CCDC138: variants seen among roughly 807,000 people sequenced by gnomAD.
CCDC138 encodes coiled-coil domain containing 138.
Under a neutral mutation model 82.3 loss-of-function variants are expected in CCDC138, and 66 were observed. The ratio of observed to expected loss-of-function variants is 0.80; its 90% CI spans 0.66 to 0.98. CCDC138 has a LOEUF of 0.98. Ranked by LOEUF, CCDC138 falls within the 50% of genes least tolerant of loss-of-function variation. The pLI, the probability that CCDC138 is intolerant of heterozygous loss-of-function variation, is 0.00. For missense variants in CCDC138, 816 were observed against 758.9 expected, an observed-to-expected ratio of 1.08 and a Z score of -0.88; for synonymous variants, 297 against 265.4, an observed-to-expected ratio of 1.12 and a Z score of -1.16.
chr2:108,853,914 GTA>G (rs1229854822), intron 12 of CCDC138, among the ~76,000 whole-genome samples: 20 of 109,624 alleles, frequency 1.8e-4, no homozygotes, highest in African/African-American at 2.6e-4. Context: ...ATATTATATA[GTA>G]TATATATTAT....
chr2:108,883,436 TC>T (rs1478079733), intron 2 of CCDC138: 3 of 152,220 alleles, frequency 2.0e-5, no homozygotes, highest in Non-Finnish European at 2.9e-5. Flanking sequence ...AGTTGTGCCA[TC>T]CCCTGACATA....
rs75055705 is a variant in CCDC138 at position 108,867,273 on chromosome 2, C to T, written c.1694-6178C>T. On this transcript the variant is annotated intron_variant, in intron 13 of 14. Coordinates refer to ENST00000295124, the MANE Select transcript of CCDC138 (RefSeq NM_144978.3). ...GTGGACACAAGAGAGAAGCTCCCCGCTGGAAGCTAGAACTCCAGAACTGAG... is the reference window on the plus strand; with the variant it reads ...GTGGACACAAGAGAGAAGCTCCCCGTTGGAAGCTAGAACTCCAGAACTGAG... 4.7e-3 allele frequency among the ~76,000 whole-genome samples: 722 copies of T among 152,228 alleles called. 7 individuals carry two copies. The highest frequency in any genetic ancestry group is 0.023 in the South Asian group (110 of 4,830).
At chr2:108,863,146 C>T (rs529583874) in intron 13 of CCDC138, among the ~76,000 whole-genome samples, 2 of 152,244 alleles carry the variant, frequency 1.3e-5, no homozygotes, top group African/African-American at 4.8e-5. Context: ...ATTTGAACAA[C>T]ATAATTTCTT....
intron 6 of CCDC138, 185 bp from the exon 7 acceptor site, chr2:108,804,704 G>C (rs995365664): frequency 1.8e-5 from 3 of 170,882 alleles, no homozygotes; most frequent in African/African-American, 7.2e-5. Context: ...ATGTTTTGTT[G>C]TTATCTTGGT....
intron 11 of CCDC138, 24 bp from the exon 12 acceptor site, chr2:108,846,714 T>C (rs1690544519): frequency 6.3e-7 from 1 of 1,574,922 alleles, no homozygotes; most frequent in African/African-American, 1.4e-5. Flanking sequence ...ATAAATATAC[T>C]AAGATTGTAC....
intron 3 of CCDC138, among the ~76,000 whole-genome samples, chr2:108,790,485 T>C (rs1469646927): frequency 6.6e-6 from 1 of 152,166 alleles, no homozygotes; most frequent in African/African-American, 2.4e-5. Flanking sequence ...GGGGCTGGTC[T>C]GAATTGAGAT....
At chr2:108,812,785 A>C (rs551964049) in intron 8 of CCDC138, 35 bp from the exon 9 acceptor site, 1 of 1,611,734 alleles carries the variant, frequency 6.2e-7, no homozygotes, top group African/African-American at 1.3e-5. Flanking sequence ...TTTAGATACA[A>C]TTGTTCTTTA....
chr2:108,851,750 G>A (rs1487912316), intron 12 of CCDC138, among the ~76,000 whole-genome samples: 1 of 152,174 alleles, frequency 6.6e-6, no homozygotes, highest in Non-Finnish European at 1.5e-5. Context: ...AGTGAAAGGA[G>A]GGCAGGAGAA....
chr2:108,807,265 G>A (rs1683027317), intron 7 of CCDC138, among the ~76,000 whole-genome samples: 1 of 152,138 alleles, frequency 6.6e-6, no homozygotes, highest in African/African-American at 2.4e-5. Flanking sequence ...AGAATTCCTA[G>A]CATAGGTCCA....
chr2:108,798,448 G>A lies in CCDC138; in HGVS notation c.597G>A (p.Gln199=). 6.2e-7 allele frequency: 1 copy of A among 1,613,198 alleles called. No homozygotes were observed. The highest frequency in any genetic ancestry group is 1.3e-5 in the African/African-American group (1 of 74,958). The change falls in exon 6 of 15, where the codon CAG becomes CAA. Residue 199 remains glutamine, a synonymous_variant. Transcript: ENST00000295124. ...LKLQCETAAQ[Q]KFAEELQKRE... ...TACAGTGTGAAACTGCAGCACAACAGAAATTTGCTGAAGAACTTCAAAAGC... is the reference window on the plus strand; with the variant it reads ...TACAGTGTGAAACTGCAGCACAACAAAAATTTGCTGAAGAACTTCAAAAGC...
chr2:108,865,456 C>G (rs561277760), intron 13 of CCDC138, among the ~76,000 whole-genome samples: 1 of 152,236 alleles, frequency 6.6e-6, no homozygotes, highest in Non-Finnish European at 1.5e-5. Flanking sequence ...CTTGTTTCTT[C>G]TTTTTCCTTG....
In CCDC138 at chr2:108,827,948, A is replaced by G. The variant is rs1036566337; in HGVS notation, c.1207-11237A>G. On this transcript the variant is annotated intron_variant, in intron 10 of 14. Coordinates refer to ENST00000295124, the MANE Select transcript of CCDC138 (RefSeq NM_144978.3). Reference sequence around the variant, plus strand: ...AACATATATTAAAACCACAGTGATTAGAACATTGTGGTAGTAGTATAGGAG... The same window carrying G: ...AACATATATTAAAACCACAGTGATTGGAACATTGTGGTAGTAGTATAGGAG... Among the ~76,000 whole-genome samples, 7 of 152,226 alleles carry G rather than the reference A, an allele frequency of 4.6e-5. No individual in the cohort carries two copies. In the East Asian group the frequency reaches 5.8e-4, roughly 13 times the overall value.
chr2:108,816,230 C>T (rs563445732), intron 10 of CCDC138, 125 bp downstream of exon 10: 2 of 659,818 alleles, frequency 3.0e-6, no homozygotes, highest in South Asian at 2.2e-5. Context: ...CTGGGCAGAT[C>T]ACCTGAGGTC....
At chr2:108,830,902 C>T (rs554466749) in intron 10 of CCDC138, among the ~76,000 whole-genome samples, 14 of 144,824 alleles carry the variant, frequency 9.7e-5, no homozygotes, top group African/African-American at 1.3e-4. Flanking sequence ...TGGCCAGGTG[C>T]GGTGGCTCAC....
chr2:108,849,548 C>G (rs1175617996), intron 12 of CCDC138, among the ~76,000 whole-genome samples: 9 of 152,158 alleles, frequency 5.9e-5, no homozygotes, highest in South Asian at 2.1e-4. Flanking sequence ...TGACACGTCT[C>G]CCTGCCTTCA....
Position 108,836,209 on chromosome 2 carries a change from T to G in CCDC138, c.1207-2976T>G, listed in dbSNP as rs186937193. On this transcript the variant is annotated intron_variant, in intron 10 of 14. Transcript: ENST00000295124. The stretch of plus-strand genomic sequence containing the variant: ...TGATGACCACCATTCAATTTTCTGC[T>G]TCAATGAATTTGACATTAGATTTCT... 5.9e-5 allele frequency among the ~76,000 whole-genome samples: 9 copies of G among 152,314 alleles called. No homozygotes were observed. The East Asian group carries it at 1.7e-3, about 29-fold the overall frequency.
intron 11 of CCDC138, among the ~76,000 whole-genome samples, chr2:108,839,547 CTTTGA>C (rs1689116306): frequency 6.6e-6 from 1 of 152,010 alleles, no homozygotes; most frequent in Non-Finnish European, 1.5e-5. Context: ...TTATTTAGAA[CTTTGA>C]TTTATCAGTG....
chr2:108,855,398 C>T (rs1692411687), intron 12 of CCDC138, among the ~76,000 whole-genome samples: 2 of 151,772 alleles, frequency 1.3e-5, no homozygotes, highest in East Asian at 3.9e-4. Flanking sequence ...GTGTCAAATA[C>T]AGTAGGTGGC....
chr2:108,820,503 G>A (rs776946449), intron 10 of CCDC138, among the ~76,000 whole-genome samples: 20 of 152,154 alleles, frequency 1.3e-4, no homozygotes, highest in Middle Eastern at 3.4e-3. Context: ...AGGAACTCCA[G>A]AGAGGACAAT....
Sources: gnomAD v4.1 joint callset for allele counts (sites outside exome capture counted in the v4.1 genomes callset) on GRCh38, gnomAD v4.1.1 for gene constraint, MANE v1.5 for transcripts, NCBI Gene and HGNC (gene_info 2026-07-23, HGNC 2026-07-21) for gene names.